The following RAP1GAP2 variants were observed in gnomAD, a reference collection of about 807,000 sequenced individuals.
The protein encoded by RAP1GAP2 is RAP1 GTPase activating protein 2, also known as rap1 GTPase-activating protein 2.
Under a neutral mutation model 95.0 loss-of-function variants are expected in RAP1GAP2, and 27 were observed. The observed-to-expected ratio is 0.28, with a 90% confidence interval of 0.21 to 0.39. The LOEUF (loss-of-function observed/expected upper bound fraction) is 0.39, where lower values mean the gene tolerates loss of function less well. RAP1GAP2 is among the 10% of genes least tolerant of loss of function. The pLI, the probability that RAP1GAP2 is intolerant of heterozygous loss-of-function variation, is 1.00. For synonymous variants in RAP1GAP2, 373 were observed against 380.9 expected, an observed-to-expected ratio of 0.98 and a Z score of 0.24; for missense variants, 771 against 970.0, an observed-to-expected ratio of 0.79 and a Z score of 2.72.
At chr17:2,791,197 C>T (rs576162798) in intron 1 of RAP1GAP2, among the ~76,000 whole-genome samples, 11 of 152,034 alleles carry the variant, frequency 7.2e-5, no homozygotes, top group Non-Finnish European at 1.6e-4. Flanking sequence ...AGAACGAGCC[C>T]CCTTCTCTAA....
chr17:2,987,945 C>A (rs2045612023), intron 11 of RAP1GAP2, among the ~76,000 whole-genome samples: 1 of 152,212 alleles, frequency 6.6e-6, no homozygotes, highest in Admixed American at 6.5e-5. Context: ...GTTTGCAGAG[C>A]CTTCAGCTGT....
intron 19 of RAP1GAP2, among the ~76,000 whole-genome samples, chr17:3,024,642 G>A (rs2047049799): frequency 6.6e-6 from 1 of 152,172 alleles, no homozygotes; most frequent in Non-Finnish European, 1.5e-5. Context: ...ATTTATCATA[G>A]CCCAAAGTGG....
At chr17:3,031,216 C>T (rs950390951) in intron 23 of RAP1GAP2, among the ~76,000 whole-genome samples, 4 of 142,962 alleles carry the variant, frequency 2.8e-5, no homozygotes, top group African/African-American at 5.2e-5. Flanking sequence ...CCTCTGGACA[C>T]GGCCAGGCCC....
Position 2,963,350 on chromosome 17 carries a change from C to T in RAP1GAP2, c.247-80C>T. ...CAAAGCCCCCCCACAACATATCCCC[C>T]TTGCAAGACCTGGAAACAGTGGTCA... On this transcript the variant is annotated intron_variant, in intron 5 of 24. Transcript: ENST00000254695. This position sits in a 1 kb window ranked among gnomAD's most constrained non-coding sequence, Gnocchi z 4.8. The T allele has an allele frequency of 6.4e-7, 1 of 1,553,470 alleles. No homozygotes were observed. Among genetic ancestry groups the T allele is most frequent in the Non-Finnish European group, 8.9e-7 (1 of 1,125,316 alleles).
intron 4 of RAP1GAP2, among the ~76,000 whole-genome samples, chr17:2,960,498 A>G (rs889953400): frequency 3.3e-5 from 5 of 152,202 alleles, no homozygotes; most frequent in African/African-American, 1.2e-4. Flanking sequence ...AGCCCAGGGA[A>G]GTCCGCAGAG....
chr17:2,863,297 A>C (rs1422881318), intron 2 of RAP1GAP2, among the ~76,000 whole-genome samples: 1 of 152,098 alleles, frequency 6.6e-6, no homozygotes, highest in African/African-American at 2.4e-5. Context: ...CCTTGGAGCA[A>C]GGGTGGATTG....
At chr17:2,822,627 G>GTTTTTTTTTTT (rs66503004) in intron 2 of RAP1GAP2, among the ~76,000 whole-genome samples, 5 of 127,850 alleles carry the variant, frequency 3.9e-5, no homozygotes, top group East Asian at 2.6e-4. Context: ...GTTTTTTTTT[G>GTTTTTTTTTTT]TTTTTTTTTT....
At chr17:2,767,726 A>G (rs1230954646) in intron 1 of RAP1GAP2, among the ~76,000 whole-genome samples, 2 of 150,622 alleles carry the variant, frequency 1.3e-5, no homozygotes, top group Non-Finnish European at 3.0e-5. Flanking sequence ...ATGTACCATA[A>G]TTTATTATAG....
At chr17:2,795,285 T>C (rs2069042610), upstream of RAP1GAP2, among the ~76,000 whole-genome samples, 1 of 152,026 alleles carries the variant, frequency 6.6e-6, no homozygotes, top group South Asian at 2.1e-4. Context: ...CCCCAGTGTC[T>C]GTTGTAGTGT....
At chr17:2,767,211 A>C (rs905988705) in intron 1 of RAP1GAP2, among the ~76,000 whole-genome samples, 1 of 151,466 alleles carries the variant, frequency 6.6e-6, no homozygotes. Context: ...AAAACACAAA[A>C]ATTAACCGGG....
At chr17:2,841,033 T>C (rs558860447) in intron 2 of RAP1GAP2, among the ~76,000 whole-genome samples, 1 of 151,724 alleles carries the variant, frequency 6.6e-6, no homozygotes, top group African/African-American at 2.4e-5. Context: ...CTCACGCCTG[T>C]AATTCCAGCT....
rs1468591462 is a variant in RAP1GAP2, at chr17:2,963,766, T to A, written c.280-90T>A. On this transcript the variant is annotated intron_variant, in intron 6 of 24. Transcript: ENST00000254695. The surrounding 1 kb of genome is among the most constrained non-coding windows in gnomAD (Gnocchi z 4.8). ...AGTACCAGTGGGTACCAGGCCCCAC[T>A]CCTGGGAGCAGCGCAGAGGGGACAC... is the stretch of plus-strand genomic sequence containing the variant. 8.3e-7 allele frequency: 1 copy of A among 1,201,306 alleles called. No homozygotes were observed. Among genetic ancestry groups the A allele is most frequent in the East Asian group, 2.6e-5 (1 of 38,974 alleles). 74.4% of individuals were successfully genotyped at this position (1,201,306 alleles called of 1,614,324 possible).
At chr17:2,826,614 G>T (rs1333842083) in intron 2 of RAP1GAP2, among the ~76,000 whole-genome samples, 1 of 151,956 alleles carries the variant, frequency 6.6e-6, no homozygotes. Flanking sequence ...GAGGGGTGGG[G>T]CCTGAATGTC....
chr17:2,822,594 C>T (rs943170917), intron 2 of RAP1GAP2, among the ~76,000 whole-genome samples: 6 of 150,770 alleles, frequency 4.0e-5, no homozygotes, highest in South Asian at 2.1e-4. Flanking sequence ...CACCGTACTC[C>T]GCCTGGAGGA....
intron 2 of RAP1GAP2, among the ~76,000 whole-genome samples, chr17:2,834,417 G>A (rs1216115913): frequency 1.3e-5 from 2 of 152,186 alleles, no homozygotes; most frequent in Non-Finnish European, 2.9e-5. Context: ...GAGACCTAGA[G>A]TCTGGCAGTT....
intron 17 of RAP1GAP2, among the ~76,000 whole-genome samples, chr17:3,014,015 C>T (rs888685216): frequency 9.2e-5 from 14 of 152,194 alleles, no homozygotes; most frequent in Non-Finnish European, 8.8e-5. Flanking sequence ...CACTCAACGA[C>T]GGGAAATACG....
intron 3 of RAP1GAP2, among the ~76,000 whole-genome samples, chr17:2,912,302 G>A (rs1221400130): frequency 6.6e-6 from 1 of 151,724 alleles, no homozygotes; most frequent in Non-Finnish European, 1.5e-5. Context: ...GTTGGGGGGT[G>A]GTGTGTGGGG....
intron 1 of RAP1GAP2, among the ~76,000 whole-genome samples, chr17:2,779,063 C>A (rs1391045262): frequency 6.6e-6 from 1 of 152,176 alleles, no homozygotes; most frequent in East Asian, 1.9e-4. Flanking sequence ...CAAGAAGGCC[C>A]AGCGTGGCCT....
chr17:2,788,678 G>A (rs903774177), intron 1 of RAP1GAP2, among the ~76,000 whole-genome samples: 1 of 152,198 alleles, frequency 6.6e-6, no homozygotes, highest in African/African-American at 2.4e-5. Context: ...ATCCAGGAAA[G>A]CTGGTGGTAT....
Sources: gnomAD v4.1 joint callset for allele counts (sites outside exome capture counted in the v4.1 genomes callset) on GRCh38, gnomAD v4.1.1 for gene constraint, Gnocchi (gnomAD v3.1) non-coding constraint, MANE v1.5 for transcripts, NCBI Gene and HGNC (gene_info 2026-07-23, HGNC 2026-07-21) for gene names.